The following NBEAL1 variants were observed in gnomAD, a reference collection of about 807,000 sequenced individuals.
The protein encoded by NBEAL1 is neurobeachin-like protein 1.
In NBEAL1, 273 loss-of-function variants were observed where a neutral mutation model predicts 351.3. The ratio of observed to expected loss-of-function variants is 0.78; its 90% CI spans 0.70 to 0.86. The LOEUF is 0.86. NBEAL1 is among the 40% of genes least tolerant of loss of function. NBEAL1 has a pLI of 0.00. For synonymous variants in NBEAL1, 1,050 were observed against 1,086.4 expected (o/e 0.97, Z 0.66); for missense variants, 2,961 against 3,201.3 (o/e 0.92, Z 1.81).
chr2:203,215,619 C>CCT (rs2065883090), intron 55 of NBEAL1, among the ~76,000 whole-genome samples: 1 of 151,234 alleles, frequency 6.6e-6, no homozygotes, highest in African/African-American at 2.4e-5. Flanking sequence ...ACCCAGGAGG[C>CCT]GCAGGTTGCA....
chr2:203,166,637 C>T lies in NBEAL1; in HGVS notation c.5863+340C>T, dbSNP rs145819700. Among the ~76,000 whole-genome samples the T allele has an allele frequency of 3.2e-3, 493 of 152,246 alleles. 3 individuals are homozygous for T. Among genetic ancestry groups the T allele is most frequent in the African/African-American group, 0.011 (462 of 41,548 alleles). On this transcript the variant is annotated intron_variant, in intron 37 of 55. Transcript: ENST00000683969. ...TCTCGGCTCACTGAGACCTCTGCCT[C>T]CCGGGTTCAAGCGATTCTCCTGCCT...
Position 203,217,564 on chromosome 2 carries a change from AT to A in NBEAL1, c.*212del. 2.6e-6 allele frequency: 3 copies of A among 1,163,222 alleles called. No homozygotes were observed. Among genetic ancestry groups the A allele is most frequent in the Non-Finnish European group, 3.2e-6 (3 of 939,902 alleles). The allele number at this position is 1,163,222 out of a possible 1,614,324, so 72.1% of individuals were successfully genotyped here. On this transcript the variant is annotated 3_prime_UTR_variant, in exon 56 of 56. Transcript: ENST00000683969. ...TACATTTGATTTGATTTTGTGGCCCATTCCTAAAGGTCATTGTATCCATTTT... is the reference window on the plus strand; with the variant it reads ...TACATTTGATTTGATTTTGTGGCCCATCCTAAAGGTCATTGTATCCATTTT...
At position 203,062,356 on chromosome 2, in the gene NBEAL1, C is replaced by T; in HGVS notation, c.515+4903C>T. 1 of 486,736 alleles carries T rather than the reference C, an allele frequency of 2.1e-6. No individual in the cohort carries two copies. Among genetic ancestry groups the T allele is most frequent in the East Asian group, 5.8e-5 (1 of 17,300 alleles). 30.2% of individuals were successfully genotyped at this position (486,736 alleles called of 1,614,324 possible). A position where few individuals can be genotyped will look rare whatever the true frequency, so the allele number is the denominator to read the frequency against. On this transcript the variant is annotated intron_variant, in intron 6 of 55. Transcript: ENST00000683969. This position sits in a 1 kb window ranked among gnomAD's most constrained non-coding sequence, Gnocchi z 4.2. ...GGGAAAAATCCAGCAACGCCCACTC[C>T]TGAGGGGTGAAGGTTACAGCCACAT...
chr2:203,084,561 A>G lies in NBEAL1; in HGVS notation c.1090A>G (p.Asn364Asp). The G allele has an allele frequency of 6.7e-7, 1 of 1,497,698 alleles. No homozygotes were observed. Among genetic ancestry groups the G allele is most frequent in the Non-Finnish European group, 8.9e-7 (1 of 1,121,282 alleles). 92.8% of individuals were successfully genotyped at this position (1,497,698 alleles called of 1,614,324 possible). The change falls in exon 10 of 56, where the codon AAC (asparagine) becomes GAC (aspartate). Residue 364 changes from asparagine to aspartate, a missense_variant. By Grantham distance (23) the Asn-to-Asp change is conservative. Coordinates refer to ENST00000683969, the MANE Select transcript of NBEAL1 (RefSeq NM_001378026.1). ...TGAACATCTCATACGACTGCTACAGAACTGCAAGGTATTTTTCTATTATTG... is the reference window on the plus strand; with the variant it reads ...TGAACATCTCATACGACTGCTACAGGACTGCAAGGTATTTTTCTATTATTG... ...CFEHLIRLLQ[N>D]CKLFLNANNK...
rs1190934127 is a variant in NBEAL1, at chr2:203,138,630, A to T, written c.4730A>T (p.Asp1577Val). 1 of 1,601,060 alleles carries T rather than the reference A, an allele frequency of 6.2e-7. No individual in the cohort carries two copies. Among genetic ancestry groups the T allele is most frequent in the Non-Finnish European group, 8.5e-7 (1 of 1,176,804 alleles). The change falls in exon 31 of 56, where the codon GAT becomes GTT. Residue 1577 changes from aspartate (D) to valine (V), a missense_variant. Transcript: ENST00000683969. ...SNMWTEKLLE[D>V]MMLLFDCLSV... ...TTTCCTTTGTGATAGCTTTTAGAGG[A>T]TATGATGCTGCTCTTTGACTGTCTG... is the stretch of plus-strand genomic sequence containing the variant.
At chr2:203,166,446 C>A in intron 37 of NBEAL1, 149 bp downstream of exon 37, 1 of 700,668 alleles carries the variant, frequency 1.4e-6, no homozygotes, top group Non-Finnish European at 2.3e-6. Context: ...TTGTTATTCA[C>A]CAAGGTGTGG....
chr2:203,207,471 G>A (rs1031456212), intron 51 of NBEAL1, among the ~76,000 whole-genome samples: 4 of 152,190 alleles, frequency 2.6e-5, no homozygotes, highest in Non-Finnish European at 5.9e-5. Flanking sequence ...GAATAGAAAG[G>A]GGGGAAAGGT....
At chr2:203,143,807 G>A (rs1470125576) in intron 31 of NBEAL1, among the ~76,000 whole-genome samples, 1 of 152,120 alleles carries the variant, frequency 6.6e-6, no homozygotes, top group African/African-American at 2.4e-5. Flanking sequence ...GAAGATAGAG[G>A]TTATGTCTTC....
At chr2:203,060,268 A>G (rs1044318210) in intron 6 of NBEAL1, among the ~76,000 whole-genome samples, 3 of 152,196 alleles carry the variant, frequency 2.0e-5, no homozygotes, top group African/African-American at 7.2e-5. Flanking sequence ...ATTGGTAGCT[A>G]AAAACAGTTT....
chr2:203,023,935 GTC>G (rs2060810794), intron 2 of NBEAL1, among the ~76,000 whole-genome samples: 1 of 152,120 alleles, frequency 6.6e-6, no homozygotes. Flanking sequence ...GTGAGATCAC[GTC>G]TCTGTTATTT....
rs183428904 is a variant in NBEAL1, at chr2:203,111,610, C to T, written c.2083-369C>T. Among the ~76,000 whole-genome samples the T allele has an allele frequency of 9.4e-4, 143 of 152,184 alleles. 1 individual carries two copies. Among genetic ancestry groups the T allele is most frequent in the African/African-American group, 3.3e-3 (136 of 41,552 alleles). On this transcript the variant is annotated intron_variant, in intron 15 of 55. Transcript: ENST00000683969. ...TGGTCTCGAACTCCTGATCCGCCCA[C>T]CTCCCAGAGTGCTGGGATTACAGGT... is the stretch of plus-strand genomic sequence containing the variant.
chr2:203,120,373 CA>C lies in NBEAL1; in HGVS notation c.2593-1879del, dbSNP rs1257895757. On this transcript the variant is annotated intron_variant, in intron 18 of 55. Transcript: ENST00000683969. ...TTAATTTATATCCTTAACTAATATACAATATTTCTTTGTTGGAATAATGTAC... is the reference window on the plus strand; with the variant it reads ...TTAATTTATATCCTTAACTAATATACATATTTCTTTGTTGGAATAATGTAC... Among the ~76,000 whole-genome samples the C allele has an allele frequency of 2.0e-5, 3 of 152,160 alleles. No individual in the cohort carries two copies. The East Asian group carries it at 5.8e-4, about 29-fold the overall frequency.
At position 203,083,302 on chromosome 2, in the gene NBEAL1, A is replaced by G; in HGVS notation, c.768A>G (p.Gly256=). 6.4e-7 allele frequency: 1 copy of G among 1,553,172 alleles called. No individual in the cohort carries two copies. The highest frequency in any genetic ancestry group is 8.7e-7 in the Non-Finnish European group (1 of 1,147,372). ...CAGATTGTGATTCCTGGGAGGATGGAGATCCTGAAGAAGTGGGTAGGAAGG... is the reference window on the plus strand; with the variant it reads ...CAGATTGTGATTCCTGGGAGGATGGGGATCCTGAAGAAGTGGGTAGGAAGG... ...VLADCDSWED[G]DPEEVGRKAE... Residue 256 remains glycine, a synonymous_variant, in exon 9 of 56, where the codon GGA becomes GGG. Transcript: ENST00000683969.
rs2106110770 is a variant in NBEAL1 at position 203,062,932 on chromosome 2, T to A, written c.516-5461T>A. Among the ~76,000 whole-genome samples, 1 of 152,320 alleles carries A rather than the reference T, an allele frequency of 6.6e-6. No homozygotes were observed. Among genetic ancestry groups the A allele is most frequent in the East Asian group, 1.9e-4 (1 of 5,190 alleles). On this transcript the variant is annotated intron_variant, in intron 6 of 55. Transcript: ENST00000683969. This position sits in a 1 kb window ranked among gnomAD's most constrained non-coding sequence, Gnocchi z 4.2. ...CTGATTCTGAAATTAAGTGGAAATT[T>A]AGAAGATATATATTTTCTTATTCAT...
intron 10 of NBEAL1, among the ~76,000 whole-genome samples, chr2:203,095,582 C>T (rs1009277413): frequency 2.5e-4 from 38 of 152,138 alleles, no homozygotes; most frequent in Middle Eastern, 3.4e-3. Context: ...TGAGCCACCG[C>T]GCCCGGCCCA....
chr2:203,064,608 A>G (rs1320521576), intron 6 of NBEAL1, among the ~76,000 whole-genome samples: 1 of 152,214 alleles, frequency 6.6e-6, no homozygotes, highest in East Asian at 1.9e-4. Context: ...GCAAATCCCA[A>G]GTGAAGAACA....
chr2:203,192,376 T>G (rs2105783802), intron 46 of NBEAL1, among the ~76,000 whole-genome samples: 1 of 150,294 alleles, frequency 6.7e-6, no homozygotes, highest in East Asian at 1.9e-4. Flanking sequence ...TAATATTTAT[T>G]AAAAGATAAT....
intron 12 of NBEAL1, among the ~76,000 whole-genome samples, chr2:203,101,461 A>G (rs1644185315): frequency 6.6e-6 from 1 of 152,232 alleles, no homozygotes; most frequent in African/African-American, 2.4e-5. Context: ...CTTTTTGTCT[A>G]GGATTGCCTT....
rs139578114 is a variant in NBEAL1 at position 203,064,040 on chromosome 2, G to A, written c.516-4353G>A. Among the ~76,000 whole-genome samples, 413 of 152,122 alleles carry A rather than the reference G, an allele frequency of 2.7e-3. 1 individual carries two copies. The highest frequency in any genetic ancestry group is 0.017 in the Middle Eastern group (5 of 294). ...GAAGTTTTAGTTGGGAGCATGATGT[G>A]TGTATGGTTTTTTTGTTTGTTTGTT... On this transcript the variant is annotated intron_variant, in intron 6 of 55. Coordinates refer to ENST00000683969, the MANE Select transcript of NBEAL1 (RefSeq NM_001378026.1).
Sources: gnomAD v4.1 joint callset for allele counts (sites outside exome capture counted in the v4.1 genomes callset) on GRCh38, gnomAD v4.1.1 for gene constraint, Gnocchi (gnomAD v3.1) non-coding constraint, MANE v1.5 for transcripts, NCBI Gene and HGNC (gene_info 2026-07-23, HGNC 2026-07-21) for gene names.